Variants in PRCP observed in about 807,000 individuals in gnomAD.
PRCP encodes prolylcarboxypeptidase.
PRCP carries 46 observed loss-of-function variants against 54.2 expected under a neutral mutation model. The ratio of observed to expected loss-of-function variants is 0.85; its 90% CI spans 0.67 to 1.09. The LOEUF (loss-of-function observed/expected upper bound fraction) is 1.09. Ranked by LOEUF, PRCP falls within the 50% of genes least tolerant of loss-of-function variation. The probability of loss-of-function intolerance (pLI) is 0.00; values close to 1 mark genes in which losing one functional copy is unlikely to be tolerated. For synonymous variants in PRCP, 240 were observed against 212.2 expected (o/e 1.13, Z -1.14); for missense variants, 613 against 596.8 (o/e 1.03, Z -0.28).
Position 82,823,648 on chromosome 11 carries a change from T to A in PRCP, c.*1258A>T, listed in dbSNP as rs936715479. On this transcript the variant is annotated 3_prime_UTR_variant, in exon 9 of 9. Transcript: ENST00000313010. ...AGAAAAAAAAATTATTGAGAGAAAA[T>A]GAAAAGAAACAAGGAGGAAGAAATC... The A allele has an allele frequency of 3.3e-5, 5 of 151,386 alleles. No homozygotes were observed. Among genetic ancestry groups the A allele is most frequent in the African/African-American group, 1.2e-4 (5 of 41,210 alleles). The allele number at this position is 151,386 out of a possible 1,614,324, so 9.4% of individuals were successfully genotyped here.
intron 1 of PRCP, among the ~76,000 whole-genome samples, chr11:82,870,931 C>T (rs1171620860): frequency 4.6e-5 from 7 of 150,570 alleles, no homozygotes; most frequent in Non-Finnish European, 9.0e-5. Flanking sequence ...ACAAATGCTG[C>T]CATAATCTGT....
Position 82,853,317 on chromosome 11 carries a change from T to C in PRCP, c.310-39A>G, listed in dbSNP as rs778147092. ...ACAAAATCACAGGATAAAATCAGAA[T>C]GTGAAAAAAAGTCACTGAACCTTTT... On this transcript the variant is annotated intron_variant, in intron 2 of 8. Coordinates refer to ENST00000313010, the MANE Select transcript of PRCP (RefSeq NM_005040.4). 3.2e-6 allele frequency: 5 copies of C among 1,556,192 alleles called. No individual in the cohort carries two copies. The East Asian group carries it at 1.1e-4, about 35-fold the overall frequency.
intron 1 of PRCP, among the ~76,000 whole-genome samples, chr11:82,862,990 A>C (rs1859243417): frequency 6.6e-6 from 1 of 152,248 alleles, no homozygotes; most frequent in Non-Finnish European, 1.5e-5. Context: ...CAGACAGTGA[A>C]AGGAAGACGG....
At chr11:82,844,732 C>CAAAAAAAAAAAA (rs11284339) in intron 6 of PRCP, among the ~76,000 whole-genome samples, 2 of 91,198 alleles carry the variant, frequency 2.2e-5, no homozygotes, top group African/African-American at 4.0e-5. Flanking sequence ...GGCTCCGTCT[C>CAAAAAAAAAAAA]AAAAAAAAAA....
At chr11:82,848,877 A>ATT (rs1305190703) in intron 6 of PRCP, among the ~76,000 whole-genome samples, 172 bp downstream of exon 6, 64 of 152,238 alleles carry the variant, frequency 4.2e-4, no homozygotes, top group African/African-American at 1.4e-3. Flanking sequence ...GCTAGGTAAC[A>ATT]TGTCCAAGCC....
intron 8 of PRCP, chr11:82,830,713 T>C (rs906466611): frequency 3.3e-5 from 5 of 150,132 alleles, no homozygotes; most frequent in Non-Finnish European, 5.9e-5. Context: ...AACACTCATG[T>C]AAAATAGAAG....
At chr11:82,871,177 C>CCT (rs1294480204) in intron 1 of PRCP, among the ~76,000 whole-genome samples, 1 of 117,410 alleles carries the variant, frequency 8.5e-6, no homozygotes, top group Non-Finnish European at 1.7e-5. Flanking sequence ...AAATGTTTCT[C>CCT]TTTTTTTTTT....
chr11:82,835,042 C>T (rs10792651), intron 8 of PRCP, among the ~76,000 whole-genome samples: 3 of 151,986 alleles, frequency 2.0e-5, no homozygotes, highest in East Asian at 1.9e-4. Context: ...TCAGCCTGGG[C>T]GACAAGAGCA....
intron 1 of PRCP, among the ~76,000 whole-genome samples, chr11:82,878,539 T>C (rs1172858560): frequency 6.6e-6 from 1 of 152,198 alleles, no homozygotes; most frequent in African/African-American, 2.4e-5. Flanking sequence ...TGAGATCTGA[T>C]GGGTTTATCA....
chr11:82,874,901 T>TG, intron 1 of PRCP, among the ~76,000 whole-genome samples: 1 of 152,218 alleles, frequency 6.6e-6, no homozygotes, highest in African/African-American at 2.4e-5. Context: ...GAAGCATTCC[T>TG]GCCTTCTTTG....
chr11:82,858,364 G>C (rs1211704014), intron 2 of PRCP: 2 of 152,198 alleles, frequency 1.3e-5, no homozygotes, highest in Non-Finnish European at 2.9e-5. Context: ...ACCACTGTGT[G>C]ATGCTGCCTC....
chr11:82,887,282 T>C (rs1859883372), intron 1 of PRCP, among the ~76,000 whole-genome samples: 1 of 152,242 alleles, frequency 6.6e-6, no homozygotes, highest in Non-Finnish European at 1.5e-5. Flanking sequence ...TAATTACTTG[T>C]GACTATCTTC....
At chr11:82,900,903 A>G, upstream of PRCP, 1 of 456,164 alleles carries the variant, frequency 2.2e-6, no homozygotes, top group South Asian at 1.5e-5. Flanking sequence ...AAGGTTCACT[A>G]CAGGCCAGTG....
At chr11:82,890,590 C>G (rs1181411406) in intron 1 of PRCP, among the ~76,000 whole-genome samples, 1 of 152,180 alleles carries the variant, frequency 6.6e-6, no homozygotes, top group Non-Finnish European at 1.5e-5. Context: ...AACCCTCTCC[C>G]CCTCCATCTA....
At position 82,849,323 on chromosome 11, in the gene PRCP, T is replaced by C. The variant is rs1268937382; in HGVS notation, c.752-105A>G. On this transcript the variant is annotated intron_variant, in intron 5 of 8. Coordinates refer to ENST00000313010, the MANE Select transcript of PRCP (RefSeq NM_005040.4). ...GTATTTTAGAAAACTCAATCTTTTA[T>C]ACCCCTTCTCCCAGGATATTTTCAG... is the stretch of plus-strand genomic sequence containing the variant. 4 of 1,245,092 alleles carry C rather than the reference T, an allele frequency of 3.2e-6. No individual in the cohort carries two copies. In the African/African-American group the frequency reaches 4.6e-5, roughly 14 times the overall value. The allele number at this position is 1,245,092 out of a possible 1,614,324, so 77.1% of individuals were successfully genotyped here. A position where few individuals can be genotyped will look rare whatever the true frequency, so the allele number is the denominator to read the frequency against.
chr11:82,824,004 G>C lies in PRCP; in HGVS notation c.*902C>G, dbSNP rs1199359115. On this transcript the variant is annotated 3_prime_UTR_variant, in exon 9 of 9. Transcript: ENST00000313010. Reference sequence around the variant, plus strand: ...ATAAAATTTTAAAAATTTAAAAGCTGAATATTACTATATTCTACTTTTGGA... The same window carrying C: ...ATAAAATTTTAAAAATTTAAAAGCTCAATATTACTATATTCTACTTTTGGA... The C allele has an allele frequency of 6.6e-6, 1 of 152,134 alleles. No individual in the cohort carries two copies. Among genetic ancestry groups the C allele is most frequent in the African/African-American group, 2.4e-5 (1 of 41,412 alleles). 9.4% of individuals were successfully genotyped at this position (152,134 alleles called of 1,614,324 possible).
intron 1 of PRCP, among the ~76,000 whole-genome samples, chr11:82,867,844 C>A (rs969706467): frequency 6.6e-6 from 1 of 152,002 alleles, no homozygotes; most frequent in Non-Finnish European, 1.5e-5. Flanking sequence ...TTCCTAAGCT[C>A]GAGAGTAGCT....
intron 1 of PRCP, among the ~76,000 whole-genome samples, chr11:82,870,554 T>C (rs1836814717): frequency 6.6e-6 from 1 of 152,188 alleles, no homozygotes; most frequent in African/African-American, 2.4e-5. Flanking sequence ...GCCTCTCATA[T>C]AACACCTTAG....
At chr11:82,863,390 ACT>A (rs1859254012) in intron 1 of PRCP, among the ~76,000 whole-genome samples, 1 of 152,144 alleles carries the variant, frequency 6.6e-6, no homozygotes, top group Admixed American at 6.5e-5. Context: ...ATCATTTGAA[ACT>A]CAACATGAGA....
Sources: gnomAD v4.1 joint callset for allele counts (sites outside exome capture counted in the v4.1 genomes callset) on GRCh38, gnomAD v4.1.1 for gene constraint, MANE v1.5 for transcripts, NCBI Gene and HGNC (gene_info 2026-07-23, HGNC 2026-07-21) for gene names.